The following TNC variants were observed in gnomAD, a reference collection of about 807,000 sequenced individuals.
TNC encodes tenascin.
TNC carries 109 observed loss-of-function variants against 202.4 expected under a neutral mutation model. That is an observed-to-expected ratio of 0.54 (90% CI 0.46 to 0.63). TNC has a LOEUF of 0.63. Among genes scored for constraint, TNC ranks in the 30% least tolerant of loss-of-function variants. The pLI, the probability that TNC is intolerant of heterozygous loss-of-function variation, is 0.00. For missense variants in TNC, 2,756 were observed against 2,833.3 expected (o/e 0.97, Z 0.62); for synonymous variants, 1,007 against 1,089.7 (o/e 0.92, Z 1.50).
chr9:115,029,459 A>G lies in TNC; in HGVS notation c.6073-3T>C. On this transcript the variant is annotated splice_region_variant and splice_polypyrimidine_tract_variant and intron_variant, in intron 24 of 27. Transcript: ENST00000350763. Reference sequence around the variant, plus strand: ...CCGTTTTTGCGTCTCAGGAACACCTATAAACATATCGATGAATCTGGGTGT... The same window carrying G: ...CCGTTTTTGCGTCTCAGGAACACCTGTAAACATATCGATGAATCTGGGTGT... 1 of 1,614,004 alleles carries G rather than the reference A, an allele frequency of 6.2e-7. No homozygotes were observed. The highest frequency in any genetic ancestry group is 8.5e-7 in the Non-Finnish European group (1 of 1,179,856).
At chr9:115,034,828 T>C (rs1470349977) in intron 22 of TNC, among the ~76,000 whole-genome samples, 1 of 152,020 alleles carries the variant, frequency 6.6e-6, no homozygotes, top group Non-Finnish European at 1.5e-5. Flanking sequence ...AAGAACACGG[T>C]GAAACATATT....
intron 13 of TNC, among the ~76,000 whole-genome samples, chr9:115,061,490 A>G (rs1832542435): frequency 6.6e-6 from 1 of 152,236 alleles, no homozygotes; most frequent in Non-Finnish European, 1.5e-5. Flanking sequence ...AGCATCTTGC[A>G]CACAGACCAC....
At chr9:115,084,170 C>T (rs752376729) in intron 4 of TNC, 39 bp downstream of exon 4, 20 of 1,598,014 alleles carry the variant, frequency 1.3e-5, no homozygotes, top group Admixed American at 1.7e-5. Context: ...GGTGGGCTGA[C>T]ATCAGGTGAG....
chr9:115,087,856 C>T (rs1309241050), intron 2 of TNC, among the ~76,000 whole-genome samples: 1 of 151,990 alleles, frequency 6.6e-6, no homozygotes, highest in African/African-American at 2.4e-5. Context: ...CGCCCGCCAC[C>T]ATGCCCGGCT....
intron 21 of TNC, 148 bp downstream of exon 21, chr9:115,035,950 G>A: frequency 1.1e-6 from 1 of 896,882 alleles, no homozygotes; most frequent in Non-Finnish European, 1.7e-6. Context: ...GACTGAGTGG[G>A]CACTGGTGAA....
chr9:115,024,147 C>G lies in TNC; in HGVS notation c.6332-11G>C. The G allele has an allele frequency of 1.2e-6, 2 of 1,609,908 alleles. No homozygotes were observed. Among genetic ancestry groups the G allele is most frequent in the Non-Finnish European group, 1.7e-6 (2 of 1,176,604 alleles). Reference sequence around the variant, plus strand: ...AGGCCATGGAGTCACCTGGGAGAGACAGAAAATATGGACCTGAGAAATCTC... The same window carrying G: ...AGGCCATGGAGTCACCTGGGAGAGAGAGAAAATATGGACCTGAGAAATCTC... On this transcript the variant is annotated splice_polypyrimidine_tract_variant and intron_variant, in intron 26 of 27. Coordinates refer to ENST00000350763, the MANE Select transcript of TNC (RefSeq NM_002160.4).
At chr9:115,062,629 A>G (rs1017140895) in intron 13 of TNC, among the ~76,000 whole-genome samples, 6 of 151,068 alleles carry the variant, frequency 4.0e-5, no homozygotes, top group African/African-American at 1.2e-4. Context: ...AAAAAAGTAT[A>G]TATCTATATA....
At chr9:115,023,829 C>G (rs1829271412) in intron 27 of TNC, 144 bp downstream of exon 27, 1 of 957,716 alleles carries the variant, frequency 1.0e-6, no homozygotes, top group Non-Finnish European at 1.6e-6. Flanking sequence ...TGAGATTGCT[C>G]ACTGCCTTGG....
At chr9:115,087,685 ATTTC>A (rs1834889000) in intron 2 of TNC, among the ~76,000 whole-genome samples, 1 of 131,126 alleles carries the variant, frequency 7.6e-6, no homozygotes, top group South Asian at 2.5e-4. Context: ...CTATGTTACT[ATTTC>A]TTTCTTTTCT....
rs866220912 is a variant in TNC at position 115,087,842 on chromosome 9, C to T, written c.458-569G>A. Among the ~76,000 whole-genome samples, 75 of 151,982 alleles carry T rather than the reference C, an allele frequency of 4.9e-4. No individual in the cohort carries two copies. The Middle Eastern group carries it at 0.017, about 35-fold the overall frequency. Reference sequence around the variant, plus strand: ...TCAGCCTCCTGAGTAGCTGGGACTCCAGGCGCCCGCCACCATGCCCGGCTA... The same window carrying T: ...TCAGCCTCCTGAGTAGCTGGGACTCTAGGCGCCCGCCACCATGCCCGGCTA... On this transcript the variant is annotated intron_variant, in intron 2 of 27. Transcript: ENST00000350763.
In TNC at chr9:115,073,796, T is replaced by C. The variant is rs2133056837; in HGVS notation, c.3021A>G (p.Thr1007=). 1 of 1,613,982 alleles carries C rather than the reference T, an allele frequency of 6.2e-7. No homozygotes were observed. The highest frequency in any genetic ancestry group is 1.1e-5 in the South Asian group (1 of 91,074). The change falls in exon 10 of 28, where the codon ACA becomes ACG. Residue 1007 remains threonine, a synonymous_variant. Coordinates refer to ENST00000350763, the MANE Select transcript of TNC (RefSeq NM_002160.4). ...AETSLTLLWK[T]PLAKFDRYRL... ...GGTAGCGGTCAAATTTGGCCAACGG[T>C]GTCTTCCAGAGCAGGGTCAGGCTGG... is the stretch of plus-strand genomic sequence containing the variant.
intron 14 of TNC, among the ~76,000 whole-genome samples, chr9:115,057,790 G>A (rs1030153262): frequency 2.6e-5 from 4 of 152,214 alleles, no homozygotes; most frequent in South Asian, 4.1e-4. Flanking sequence ...AAAGATATGA[G>A]TCCTGGCAAC....
intron 1 of TNC, among the ~76,000 whole-genome samples, chr9:115,100,957 T>C (rs1179433913): frequency 6.6e-6 from 1 of 152,214 alleles, no homozygotes; most frequent in Non-Finnish European, 1.5e-5. Context: ...TCTGAGGTCA[T>C]TGTAATGATC....
chr9:115,076,117 C>T lies in TNC; in HGVS notation c.2865G>A (p.Leu955=). 6.2e-7 allele frequency: 1 copy of T among 1,613,946 alleles called. No individual in the cohort carries two copies. The highest frequency in any genetic ancestry group is 1.1e-5 in the South Asian group (1 of 91,080). Residue 955 remains leucine, a synonymous_variant, in exon 9 of 28, where the codon CTG becomes CTA. Coordinates refer to ENST00000350763, the MANE Select transcript of TNC (RefSeq NM_002160.4). ...CAATCCCATATTCAGTTCCCGGCCT[C>T]AGACCTAAGGAGAGAATGTGCAAGT... ...QATTKTTLTG[L]RPGTEYGIGV...
intron 27 of TNC, 118 bp downstream of exon 27, chr9:115,023,855 A>G (rs982323429): frequency 2.5e-6 from 3 of 1,207,304 alleles, no homozygotes; most frequent in South Asian, 1.5e-5. Flanking sequence ...ACATGTTGTC[A>G]TACAAGTAAG....
rs756444260 is a variant in TNC, at chr9:115,024,106, G to T, written c.6362C>A (p.Ser2121Tyr). ...GDSMAYHNGR[S>Y]FSTFDKDTDS... is the part of the protein sequence containing the mutation. ...TGTGTCCTTGTCAAAGGTGGAGAAG[G>T]ATCTGCCATTGTGGTAGGCCATGGA... The change falls in exon 27 of 28, where the codon TCC becomes TAC. Residue 2121 changes from serine to tyrosine, a missense_variant. Ser to Tyr is a moderately radical substitution (Grantham distance 144). Around this residue, in one of 2 missense-constraint regions of TNC, gnomAD observed 197 missense variants for 287.3 expected, o/e 0.69. Coordinates refer to ENST00000350763, the MANE Select transcript of TNC (RefSeq NM_002160.4). The T allele has an allele frequency of 6.2e-7, 1 of 1,614,080 alleles. No individual in the cohort carries two copies. The highest frequency in any genetic ancestry group is 8.5e-7 in the Non-Finnish European group (1 of 1,179,944).
At chr9:115,052,503 A>C (rs1831772208) in intron 15 of TNC, among the ~76,000 whole-genome samples, 1 of 152,032 alleles carries the variant, frequency 6.6e-6, no homozygotes, top group Non-Finnish European at 1.5e-5. Context: ...ATAAATAAAT[A>C]AATAAATAAG....
rs779102542 is a variant in TNC, at chr9:115,064,810, C to A, written c.3324G>T (p.Val1108=). 2 of 1,614,164 alleles carry A rather than the reference C, an allele frequency of 1.2e-6. No homozygotes were observed. The highest frequency in any genetic ancestry group is 2.2e-5 in the East Asian group (1 of 44,874). ...CTGCCTCCACCTTGTTGGCCTCCTG[C>A]ACCTGAATGATAAAGTGCTCATAGG... ...DQAYEHFIIQ[V]QEANKVEAAR... The change falls in exon 11 of 28, where the codon GTG becomes GTT. Residue 1108 remains valine (V), a synonymous_variant. Transcript: ENST00000350763.
At chr9:115,103,097 G>A (rs2482078) in intron 1 of TNC, among the ~76,000 whole-genome samples, 66,508 of 152,028 alleles carry the variant, frequency 0.44, 14,935 homozygotes, top group Admixed American at 0.52. Flanking sequence ...CTACGTTCCA[G>A]ACACCACACT....
Sources: allele counts gnomAD v4.1 joint callset (sites outside exome capture counted in the v4.1 genomes callset), GRCh38; gene constraint gnomAD v4.1.1; regional missense constraint gnomAD v4.1.1; transcripts MANE v1.5; gene names NCBI Gene and HGNC (gene_info 2026-07-23, HGNC 2026-07-21).